Variants in SLC14A2 observed in about 807,000 individuals in gnomAD.
SLC14A2 encodes solute carrier family 14 member 2, also known as urea transporter 2.
A neutral mutation model predicts 104.6 loss-of-function variants in SLC14A2; 91 were observed. The ratio of observed to expected loss-of-function variants is 0.87; its 90% CI spans 0.73 to 1.04. The LOEUF (loss-of-function observed/expected upper bound fraction) is 1.04, where lower values mean the gene tolerates loss of function less well. Among genes scored for constraint, SLC14A2 ranks in the 50% least tolerant of loss-of-function variants. The probability of loss-of-function intolerance (pLI) is 0.00; values close to 1 mark genes in which losing one functional copy is unlikely to be tolerated. For synonymous variants in SLC14A2, 476 were observed against 466.4 expected, an observed-to-expected ratio of 1.02 and a Z score of -0.27; for missense variants, 1,189 against 1,156.0, an observed-to-expected ratio of 1.03 and a Z score of -0.41.
chr18:45,466,445 G>T (rs1275423427), intron 1 of SLC14A2, among the ~76,000 whole-genome samples: 2 of 151,580 alleles, frequency 1.3e-5, no homozygotes, highest in African/African-American at 2.4e-5. Context: ...TAGCAAAGCT[G>T]AGCAGCATGT....
intron 1 of SLC14A2, among the ~76,000 whole-genome samples, chr18:45,299,432 C>T (rs1291109386): frequency 1.3e-5 from 2 of 152,074 alleles, no homozygotes; most frequent in African/African-American, 2.4e-5. Flanking sequence ...CACACACAAA[C>T]ATCCCTCTTT....
chr18:45,407,995 G>A (rs977571299), intron 1 of SLC14A2, among the ~76,000 whole-genome samples: 2 of 152,070 alleles, frequency 1.3e-5, no homozygotes, highest in Non-Finnish European at 2.9e-5. Flanking sequence ...CATGCTGTTG[G>A]AAAAAAATGG....
At chr18:45,445,328 T>C (rs1011583341) in intron 1 of SLC14A2, among the ~76,000 whole-genome samples, 4 of 152,108 alleles carry the variant, frequency 2.6e-5, no homozygotes, top group African/African-American at 9.7e-5. Flanking sequence ...GCCAGGCAGA[T>C]CTCGAACTCC....
intron 1 of SLC14A2, among the ~76,000 whole-genome samples, chr18:45,397,043 C>T (rs978270553): frequency 2.0e-5 from 3 of 152,222 alleles, no homozygotes; most frequent in African/African-American, 2.4e-5. Context: ...TTATGTACCA[C>T]ATTTTCTTTA....
At chr18:45,485,611 G>C (rs983270397) in intron 2 of SLC14A2, among the ~76,000 whole-genome samples, 3 of 152,164 alleles carry the variant, frequency 2.0e-5, no homozygotes, top group African/African-American at 7.2e-5. Flanking sequence ...ACACTGTGTG[G>C]CCAGCATCAC....
Position 45,350,363 on chromosome 18 carries a change from T to C in SLC14A2, c.-124-132870T>C, listed in dbSNP as rs75205318. 3.0e-3 allele frequency among the ~76,000 whole-genome samples: 460 copies of C among 152,312 alleles called. 3 individuals are homozygous for C. The highest frequency in any genetic ancestry group is 5.1e-3 in the Non-Finnish European group (350 of 68,026). On this transcript the variant is annotated intron_variant, in intron 1 of 20. Transcript: ENST00000586448. The stretch of plus-strand genomic sequence containing the variant: ...ACCCCCATGGCTCAGATACAGTTGA[T>C]TATAAAACAAACACACTCATAGCTC...
At chr18:45,277,694 C>T (rs750703369) in intron 1 of SLC14A2, among the ~76,000 whole-genome samples, 24 of 152,306 alleles carry the variant, frequency 1.6e-4, no homozygotes, top group South Asian at 4.1e-4. Flanking sequence ...CAGGCATGAG[C>T]CACCGTGACC....
chr18:45,470,619 C>G (rs968419139), intron 1 of SLC14A2, among the ~76,000 whole-genome samples: 2 of 152,002 alleles, frequency 1.3e-5, no homozygotes, highest in African/African-American at 2.4e-5. Context: ...TATTGTTTAT[C>G]TTTCTGATAG....
rs182337802 is a variant in SLC14A2, at chr18:45,592,510, G to A, written c.-34-32121G>A. Among the ~76,000 whole-genome samples, 49 of 152,304 alleles carry A rather than the reference G, an allele frequency of 3.2e-4. 1 individual carries two copies. The highest frequency in any genetic ancestry group is 2.7e-3 in the Admixed American group (41 of 15,302). On this transcript the variant is annotated intron_variant, in intron 2 of 20. Coordinates refer to the SLC14A2 transcript ENST00000586448. Reference sequence around the variant, plus strand: ...TTGGGAAGCAGATGCAGGAAAGTTCGTTTCCCATAGTGGCCAAGCATGCTG... The same window carrying A: ...TTGGGAAGCAGATGCAGGAAAGTTCATTTCCCATAGTGGCCAAGCATGCTG...
chr18:45,556,756 G>A (rs2044138331), intron 2 of SLC14A2, among the ~76,000 whole-genome samples: 2 of 152,146 alleles, frequency 1.3e-5, no homozygotes, highest in Non-Finnish European at 2.9e-5. Context: ...TCTGTATATA[G>A]CTAAATCCAC....
chr18:45,214,488 G>T (rs769489126), intron 1 of SLC14A2, among the ~76,000 whole-genome samples: 3 of 152,120 alleles, frequency 2.0e-5, no homozygotes, highest in Non-Finnish European at 4.4e-5. Flanking sequence ...TTCCACAATG[G>T]CCTCTCAGTT....
chr18:45,634,845 G>A (rs2045393901), intron 5 of SLC14A2: 2 of 457,322 alleles, frequency 4.4e-6, no homozygotes, highest in Non-Finnish European at 8.8e-6. Context: ...TTTAACTGGA[G>A]TAAGAGTGGA....
intron 2 of SLC14A2, among the ~76,000 whole-genome samples, chr18:45,561,876 G>C (rs1333075707): frequency 6.6e-6 from 1 of 151,714 alleles, no homozygotes; most frequent in African/African-American, 2.4e-5. Context: ...ATTTCTATTT[G>C]GGGATCTATA....
At chr18:45,204,589 G>A in the SLC14A2 span, among the ~76,000 whole-genome samples, 1 of 152,140 alleles carries the variant, frequency 6.6e-6, no homozygotes, top group Non-Finnish European at 1.5e-5. Context: ...AGTAATGCAT[G>A]TATTGTAAAT....
chr18:45,624,791 C>T lies in SLC14A2; in HGVS notation c.127C>T (p.Leu43Phe). 1.2e-6 allele frequency: 2 copies of T among 1,611,776 alleles called. No homozygotes were observed. The highest frequency in any genetic ancestry group is 1.7e-6 in the Non-Finnish European group (2 of 1,178,992). ...TSPDTHPALPLLEMPEEKDLR... is the reference protein window; with the variant it reads ...TSPDTHPALPFLEMPEEKDLR... ...CCCGGATACTCACCCAGCTCTGCCC[C>T]TCCTGGAAATGCCTGAAGAAAAGGT... The change falls in exon 2 of 20, where the codon CTC becomes TTC. Residue 43 changes from leucine (L) to phenylalanine (F), a missense_variant. Physicochemically the swap from Leu to Phe is conservative, Grantham distance 22 (BLOSUM62 0). Transcript: ENST00000255226.
chr18:45,190,115 C>T, the SLC14A2 span, among the ~76,000 whole-genome samples: 1 of 152,188 alleles, frequency 6.6e-6, no homozygotes, highest in African/African-American at 2.4e-5. Flanking sequence ...GTAATTAGCA[C>T]ATTCTCTGTT....
chr18:45,464,014 T>A (rs2542994), intron 1 of SLC14A2, among the ~76,000 whole-genome samples: 31,112 of 152,114 alleles, frequency 0.2, 3,617 homozygotes, highest in Non-Finnish European at 0.27. Flanking sequence ...TGGAAGAACA[T>A]ACTTTAAAAT....
At chr18:45,348,047 C>T (rs546820100) in intron 1 of SLC14A2, among the ~76,000 whole-genome samples, 6 of 152,312 alleles carry the variant, frequency 3.9e-5, no homozygotes, top group Admixed American at 1.3e-4. Flanking sequence ...TGGAATTCGT[C>T]AATTGAAGCT....
intron 2 of SLC14A2, among the ~76,000 whole-genome samples, chr18:45,544,516 A>T (rs2043938379): frequency 6.6e-6 from 1 of 152,150 alleles, no homozygotes; most frequent in South Asian, 2.1e-4. Context: ...ACGACACAAA[A>T]ACATCAAACT....
Sources: allele counts gnomAD v4.1 joint callset (sites outside exome capture counted in the v4.1 genomes callset), GRCh38; gene constraint gnomAD v4.1.1; transcripts MANE v1.5; gene names NCBI Gene and HGNC (gene_info 2026-07-23, HGNC 2026-07-21).